Variants in GSE1 observed in about 807,000 individuals in gnomAD.
GSE1 encodes the protein Gse1 coiled-coil protein.
A neutral mutation model predicts 112.6 loss-of-function variants in GSE1; 32 were observed. The ratio of observed to expected loss-of-function variants is 0.28; its 90% CI spans 0.21 to 0.38. The LOEUF is 0.38. Among genes scored for constraint, GSE1 ranks in the 10% least tolerant of loss-of-function variants. GSE1 has a pLI of 1.00. For missense variants in GSE1, 2,348 were observed against 1,699.2 expected, an observed-to-expected ratio of 1.38 and a Z score of -6.71; for synonymous variants, 1,115 against 735.6, an observed-to-expected ratio of 1.52 and a Z score of -8.35.
At chr16:85,173,182 G>C (rs1288506617) in intron 1 of GSE1, among the ~76,000 whole-genome samples, 1 of 152,204 alleles carries the variant, frequency 6.6e-6, no homozygotes, top group Non-Finnish European at 1.5e-5. Context: ...ACTGACCCCA[G>C]TTCATTTGTT....
intron 2 of GSE1, among the ~76,000 whole-genome samples, chr16:85,385,492 G>A (rs558138065): frequency 6.6e-6 from 1 of 152,142 alleles, no homozygotes; most frequent in African/African-American, 2.4e-5. Context: ...GTGGCAGACA[G>A]CTCCTTCTCG....
intron 1 of GSE1, among the ~76,000 whole-genome samples, chr16:85,273,454 C>T (rs77846931): frequency 0.014 from 2,097 of 152,254 alleles, 43 homozygotes; most frequent in African/African-American, 0.048. Context: ...CTCTCCATGC[C>T]GTGGAATATT....
intron 2 of GSE1, among the ~76,000 whole-genome samples, chr16:85,400,585 CGTCTGTGTATGAGTGTAT>C (rs1414120623): frequency 6.8e-6 from 1 of 146,720 alleles, no homozygotes; most frequent in Non-Finnish European, 1.5e-5. Context: ...GTGATGCATG[CGTCTGTGTATGAGTGTAT>C]GTCTATGTGT....
At chr16:85,507,026 C>T (rs1457575275) in intron 2 of GSE1, among the ~76,000 whole-genome samples, 1 of 152,178 alleles carries the variant, frequency 6.6e-6, no homozygotes, top group Non-Finnish European at 1.5e-5. Flanking sequence ...GTGGCTCTGC[C>T]TCCCTCCTGG....
chr16:85,461,993 A>G (rs1250231354), intron 2 of GSE1, among the ~76,000 whole-genome samples: 1 of 152,120 alleles, frequency 6.6e-6, no homozygotes, highest in Admixed American at 6.5e-5. Flanking sequence ...AGTCACTTAG[A>G]GCCTCGGTGC....
At chr16:85,504,429 G>A (rs921511337) in intron 2 of GSE1, among the ~76,000 whole-genome samples, 8 of 152,200 alleles carry the variant, frequency 5.3e-5, no homozygotes, top group Admixed American at 2.6e-4. Context: ...GCTGCAGCCC[G>A]CAGAGCGGTG....
At chr16:85,661,092 T>G in intron 8 of GSE1, 54 bp from the exon 9 acceptor site, 3 of 1,502,606 alleles carry the variant, frequency 2.0e-6, no homozygotes, top group South Asian at 2.6e-5. Flanking sequence ...GGGAAGCCTG[T>G]GGATGACTGA....
intron 1 of GSE1, among the ~76,000 whole-genome samples, chr16:85,259,461 A>G (rs1347125525): frequency 6.6e-6 from 1 of 152,272 alleles, no homozygotes; most frequent in East Asian, 1.9e-4. Context: ...CAGAATAAAG[A>G]CCGAAGTCAC....
chr16:85,294,108 C>T (rs1029536155), intron 1 of GSE1, among the ~76,000 whole-genome samples: 5 of 152,208 alleles, frequency 3.3e-5, no homozygotes, highest in African/African-American at 4.8e-5. Flanking sequence ...CCTGGCTCCC[C>T]GCAACAGCCA....
At chr16:85,647,520 A>C (rs951174781) in intron 2 of GSE1, among the ~76,000 whole-genome samples, 1 of 152,152 alleles carries the variant, frequency 6.6e-6, no homozygotes, top group Non-Finnish European at 1.5e-5. Context: ...AATGGCTGCC[A>C]TTTGGGCTTC....
chr16:85,225,991 C>A (rs2075479181), intron 1 of GSE1, among the ~76,000 whole-genome samples: 1 of 152,174 alleles, frequency 6.6e-6, no homozygotes, highest in Non-Finnish European at 1.5e-5. Flanking sequence ...GCCTCAGTTC[C>A]TGGCCATGTG....
At chr16:85,620,932 G>T (rs770022840) in intron 1 of GSE1, among the ~76,000 whole-genome samples, 3 of 151,528 alleles carry the variant, frequency 2.0e-5, no homozygotes, top group Admixed American at 2.0e-4. Context: ...CGTGTAGATG[G>T]TCTCGGCCAT....
intron 2 of GSE1, among the ~76,000 whole-genome samples, chr16:85,411,087 G>A (rs1597664622): frequency 1.7e-5 from 2 of 116,494 alleles, no homozygotes; most frequent in Non-Finnish European, 1.6e-5. Context: ...GGGTCCCCCG[G>A]ATAATCCTCA....
chr16:85,525,735 C>A (rs1254061726), intron 2 of GSE1, among the ~76,000 whole-genome samples: 2 of 152,222 alleles, frequency 1.3e-5, no homozygotes. Flanking sequence ...CAAATCCTAT[C>A]TCCACAGTTG....
intron 1 of GSE1, among the ~76,000 whole-genome samples, chr16:85,281,719 C>T (rs1389034409): frequency 6.6e-6 from 1 of 152,190 alleles, no homozygotes; most frequent in Non-Finnish European, 1.5e-5. Context: ...TTCAGGGTGT[C>T]AGCCCACTTC....
At chr16:85,260,107 G>A (rs761676181) in intron 1 of GSE1, among the ~76,000 whole-genome samples, 4 of 152,120 alleles carry the variant, frequency 2.6e-5, no homozygotes, top group Admixed American at 6.5e-5. Context: ...GGCCCTGCGG[G>A]GCATGGGCAG....
chr16:85,180,806 C>T (rs2074567719), intron 1 of GSE1, among the ~76,000 whole-genome samples: 1 of 152,130 alleles, frequency 6.6e-6, no homozygotes, highest in East Asian at 1.9e-4. Flanking sequence ...CAGGAAGCCT[C>T]CCTGGAGAAG....
chr16:85,309,736 C>T (rs374872762), intron 1 of GSE1, among the ~76,000 whole-genome samples: 21 of 152,322 alleles, frequency 1.4e-4, no homozygotes, highest in East Asian at 7.7e-4. Flanking sequence ...AGTGCTGTCG[C>T]GGTGCTGCAG....
intron 1 of GSE1, among the ~76,000 whole-genome samples, chr16:85,320,972 C>T (rs142745299): frequency 4.8e-4 from 73 of 152,286 alleles, no homozygotes; most frequent in Non-Finnish European, 8.2e-4. Context: ...ATCACACTCC[C>T]GTCACTCCAG....
Sources: gnomAD v4.1 joint callset for allele counts (sites outside exome capture counted in the v4.1 genomes callset) on GRCh38, gnomAD v4.1.1 for gene constraint, MANE v1.5 for transcripts, NCBI Gene and HGNC (gene_info 2026-07-23, HGNC 2026-07-21) for gene names.